HDGF: variants seen among roughly 807,000 people sequenced by gnomAD.
HDGF encodes the protein hepatoma-derived growth factor.
Under a neutral mutation model 30.0 loss-of-function variants are expected in HDGF, and 5 were observed. The ratio of observed to expected loss-of-function variants is 0.17; its 90% CI spans 0.09 to 0.35. HDGF has a LOEUF of 0.35. Among genes scored for constraint, HDGF ranks in the 10% least tolerant of loss-of-function variants. The pLI is 1.00. For synonymous variants in HDGF, 133 were observed against 112.7 expected (o/e 1.18, Z -1.14); for missense variants, 214 against 302.8 (o/e 0.71, Z 2.18).
chr1:156,744,074 T>TG (rs1650332423), intron 4 of HDGF, 89 bp downstream of exon 4: 2 of 1,386,980 alleles, frequency 1.4e-6, no homozygotes, highest in African/African-American at 2.8e-5. Context: ...CCTCTCAGAC[T>TG]GGGCACCCCT....
chr1:156,743,643 C>T lies in HDGF; in HGVS notation c.716+9G>A. ...GTCCAGCTGCCAAGGGGTCAGGGGGCTCACTCACCTCTCATGATCTCTGAT... is the reference window on the plus strand; with the variant it reads ...GTCCAGCTGCCAAGGGGTCAGGGGGTTCACTCACCTCTCATGATCTCTGAT... On this transcript the variant is annotated intron_variant, in intron 5 of 5. Coordinates refer to ENST00000357325, the MANE Select transcript of HDGF (RefSeq NM_004494.3). 1 of 1,602,902 alleles carries T rather than the reference C, an allele frequency of 6.2e-7. No homozygotes were observed. Among genetic ancestry groups the T allele is most frequent in the Non-Finnish European group, 8.5e-7 (1 of 1,169,880 alleles).
chr1:156,744,099 C>T (rs908312679), intron 4 of HDGF, 64 bp downstream of exon 4: 110 of 1,545,110 alleles, frequency 7.1e-5, no homozygotes, highest in Non-Finnish European at 9.3e-5. Flanking sequence ...CAAAGCCCTG[C>T]TCCTGTGGGA....
At chr1:156,766,758 C>A (rs1651392329) in intron 1 of HDGF, 1 of 152,268 alleles carries the variant, frequency 6.6e-6, no homozygotes, top group South Asian at 2.1e-4. Flanking sequence ...CCCTTTACCC[C>A]ACTGAGCTGA....
rs759285487 is a variant in HDGF, at chr1:156,743,719, C to CTT, written c.648_649insAA (p.Glu217LysfsTer109). 2 of 1,605,942 alleles carry CTT rather than the reference C, an allele frequency of 1.2e-6. No homozygotes were observed. Among genetic ancestry groups the CTT allele is most frequent in the South Asian group, 2.2e-5 (2 of 90,066 alleles). On this transcript the variant is annotated frameshift_variant, in exon 5 of 6. Coordinates refer to ENST00000357325, the MANE Select transcript of HDGF (RefSeq NM_004494.3). LOFTEE classifies it high-confidence loss of function. ...GTAGCCTCTTCCTCTTCATCCTCCT[C>CTT]CTCTTCTTCCTCTTGGGGAGGCCCC...
chr1:156,747,261 C>CCCCCCCCCA (rs1558034333), intron 1 of HDGF, among the ~76,000 whole-genome samples: 1 of 65,736 alleles, frequency 1.5e-5, no homozygotes, highest in African/African-American at 5.4e-5. Context: ...CCCCCCCCCC[C>CCCCCCCCCA]CCGCCCCGCC....
chr1:156,752,091 C>T (rs1406193425), upstream of HDGF: 1 of 1,551,566 alleles, frequency 6.4e-7, no homozygotes, highest in Non-Finnish European at 8.7e-7. Flanking sequence ...TTTCCGCCTG[C>T]CCTCTGCTCC....
intron 1 of HDGF, among the ~76,000 whole-genome samples, chr1:156,762,872 CAA>C (rs148807506): frequency 1.5e-5 from 2 of 135,222 alleles, no homozygotes; most frequent in Admixed American, 7.4e-5. Context: ...AACTCCGTCT[CAA>C]AAAAAAAAAA....
chr1:156,763,628 C>G (rs1651297793), intron 1 of HDGF, among the ~76,000 whole-genome samples: 1 of 151,554 alleles, frequency 6.6e-6, no homozygotes, highest in African/African-American at 2.4e-5. Context: ...CTCTGTTGCC[C>G]AGGCTGGAGT....
At chr1:156,752,453 G>T, upstream of HDGF, 1 of 1,219,912 alleles carries the variant, frequency 8.2e-7, no homozygotes, top group Non-Finnish European at 1.2e-6. Flanking sequence ...AGTTCTAGTC[G>T]GTTACGGTAG....
Position 156,751,373 on chromosome 1 carries a change from C to T in HDGF, c.57G>A (p.Lys19=). 1.2e-6 allele frequency: 2 copies of T among 1,610,238 alleles called. No individual in the cohort carries two copies. The highest frequency in any genetic ancestry group is 1.7e-6 in the Non-Finnish European group (2 of 1,178,068). The change falls in exon 1 of 6, where the codon AAG becomes AAA. Residue 19 remains lysine, a synonymous_variant. Transcript: ENST00000357325. The surrounding 1 kb of genome is among the most constrained non-coding windows in gnomAD (Gnocchi z 4.7). ...EYKCGDLVFA[K]MKGYPHWPAR... is the part of the protein sequence containing the mutation. ...CCGGCCAGTGTGGGTAGCCCTTCAT[C>T]TTGGCGAACACCAGGTCCCCGCATT...
chr1:156,743,495 G>A, intron 5 of HDGF, 40 bp from the exon 6 acceptor site: 1 of 1,565,812 alleles, frequency 6.4e-7, no homozygotes, highest in Non-Finnish European at 8.6e-7. Flanking sequence ...TTAATGGTGT[G>A]GCCTTGGCCT....
At position 156,742,519 on chromosome 1, in the gene HDGF, T is replaced by C. The variant is rs1486107478; in HGVS notation, c.*930A>G. 1 of 152,164 alleles carries C rather than the reference T, an allele frequency of 6.6e-6. No individual in the cohort carries two copies. The highest frequency in any genetic ancestry group is 1.5e-5 in the Non-Finnish European group (1 of 68,030). The allele number at this position is 152,164 out of a possible 1,614,324, so 9.4% of individuals were successfully genotyped here. A position where few individuals can be genotyped will look rare whatever the true frequency, so the allele number is the denominator to read the frequency against. On this transcript the variant is annotated 3_prime_UTR_variant, in exon 6 of 6. Coordinates refer to ENST00000357325, the MANE Select transcript of HDGF (RefSeq NM_004494.3). Reference sequence around the variant, plus strand: ...GAGAGCACACAAAGGGTTAGGGGTCTTTAAAATTTTTTTTTGTAATTTTCT... The same window carrying C: ...GAGAGCACACAAAGGGTTAGGGGTCCTTAAAATTTTTTTTTGTAATTTTCT...
Position 156,743,383 on chromosome 1 carries a change from A to T in HDGF, c.*66T>A. 6.7e-7 allele frequency: 1 copy of T among 1,484,646 alleles called. No individual in the cohort carries two copies. 92.0% of individuals were successfully genotyped at this position (1,484,646 alleles called of 1,614,324 possible). A position where few individuals can be genotyped will look rare whatever the true frequency, so the allele number is the denominator to read the frequency against. ...GGTTCCCAGTTTGCAGGCCATGGCCAGTTTCCCCAGTAGCACCCAGACAGC... is the reference window on the plus strand; with the variant it reads ...GGTTCCCAGTTTGCAGGCCATGGCCTGTTTCCCCAGTAGCACCCAGACAGC... On this transcript the variant is annotated 3_prime_UTR_variant, in exon 6 of 6. Transcript: ENST00000357325.
In HDGF at chr1:156,747,427, A is replaced by G. The variant is rs373531048; in HGVS notation, c.88-2054T>C. The G allele has an allele frequency of 1.4e-4, 22 of 152,198 alleles. No individual in the cohort carries two copies. The East Asian group carries it at 3.7e-3, about 26-fold the overall frequency. 9.4% of individuals were successfully genotyped at this position (152,198 alleles called of 1,614,324 possible). On this transcript the variant is annotated intron_variant, in intron 1 of 5. Coordinates refer to ENST00000357325, the MANE Select transcript of HDGF (RefSeq NM_004494.3). Reference sequence around the variant, plus strand: ...GCGAAAGGGGGCGTCCTTCTCAGGAAGCCAGACCTGGAGCAGGGACAGAGG... The same window carrying G: ...GCGAAAGGGGGCGTCCTTCTCAGGAGGCCAGACCTGGAGCAGGGACAGAGG...
At position 156,743,777 on chromosome 1, in the gene HDGF, C is replaced by T. The variant is rs748335773; in HGVS notation, c.591G>A (p.Lys197=). 6.2e-7 allele frequency: 1 copy of T among 1,603,260 alleles called. No individual in the cohort carries two copies. Among genetic ancestry groups the T allele is most frequent in the Non-Finnish European group, 8.5e-7 (1 of 1,174,878 alleles). ...VERPLPMEVE[K]NSTPSEPGSG... is the part of the protein sequence containing the mutation. ...AGCCGGGCTCAGAGGGGGTGCTATT[C>T]TTTTCCACCTCCATAGGAAGGGGCC... Residue 197 remains lysine (K), a synonymous_variant, in exon 5 of 6, where the codon AAG becomes AAA. Transcript: ENST00000357325.
At chr1:156,744,457 AC>A in intron 3 of HDGF, 109 bp from the exon 4 acceptor site, 1 of 833,166 alleles carries the variant, frequency 1.2e-6, no homozygotes, top group Non-Finnish European at 1.8e-6. Context: ...CCTCTCCCCC[AC>A]CCCCACCCAG....
chr1:156,761,660 A>T (rs1202455900), intron 1 of HDGF, among the ~76,000 whole-genome samples: 3 of 150,412 alleles, frequency 2.0e-5, no homozygotes, highest in Admixed American at 1.3e-4. Flanking sequence ...TAAATAAATT[A>T]AAAAAGGCCG....
chr1:156,764,380 A>AGAGACAGGG (rs1433146868), intron 1 of HDGF, among the ~76,000 whole-genome samples: 2 of 150,978 alleles, frequency 1.3e-5, no homozygotes, highest in Non-Finnish European at 2.9e-5. Context: ...TATTTTTAGT[A>AGAGACAGGG]GAGACAGGGT....
chr1:156,746,151 C>T (rs1650528259), intron 1 of HDGF, among the ~76,000 whole-genome samples: 1 of 152,234 alleles, frequency 6.6e-6, no homozygotes, highest in Admixed American at 6.5e-5. Flanking sequence ...CTAGGTAAAA[C>T]TCTTTCCTAA....
Sources: allele counts gnomAD v4.1 joint callset (sites outside exome capture counted in the v4.1 genomes callset), GRCh38; gene constraint gnomAD v4.1.1; non-coding constraint Gnocchi (gnomAD v3.1); transcripts MANE v1.5; gene names NCBI Gene and HGNC (gene_info 2026-07-23, HGNC 2026-07-21).